The following SUCO variants were observed in gnomAD, a reference collection of about 807,000 sequenced individuals.
SUCO encodes the protein SUN domain containing ossification factor.
SUCO carries 57 observed loss-of-function variants against 148.1 expected under a neutral mutation model. That is an observed-to-expected ratio of 0.38 (90% CI 0.31 to 0.48). SUCO has a LOEUF of 0.48. Ranked by LOEUF, SUCO falls within the 20% of genes least tolerant of loss-of-function variation. The pLI, the probability that SUCO is intolerant of heterozygous loss-of-function variation, is 0.96. For synonymous variants in SUCO, 470 were observed against 502.7 expected, an observed-to-expected ratio of 0.93 and a Z score of 0.87; for missense variants, 1,331 against 1,468.2, an observed-to-expected ratio of 0.91 and a Z score of 1.53.
At chr1:172,600,753 G>A (rs537800706) in intron 20 of SUCO, among the ~76,000 whole-genome samples, 26 of 151,678 alleles carry the variant, frequency 1.7e-4, no homozygotes, top group African/African-American at 5.8e-4. Flanking sequence ...AGTAAGGGAT[G>A]CTGCTTTAGT....
At chr1:172,594,239 TG>T (rs1656905761) in intron 19 of SUCO, among the ~76,000 whole-genome samples, 1 of 143,610 alleles carries the variant, frequency 7.0e-6, no homozygotes, top group Non-Finnish European at 1.5e-5. Flanking sequence ...CTGAATTTAT[TG>T]ATTTTTTTTT....
At chr1:172,608,140 A>G (rs1443127633) in intron 22 of SUCO, 1 of 950,816 alleles carries the variant, frequency 1.1e-6, no homozygotes, top group Non-Finnish European at 1.3e-6. Flanking sequence ...TTTACTCACT[A>G]TGCCAGAAGT....
Position 172,561,377 on chromosome 1 carries a change from T to C in SUCO, c.732+3583T>C, listed in dbSNP as rs148503441. Among the ~76,000 whole-genome samples, 796 of 152,218 alleles carry C rather than the reference T, an allele frequency of 5.2e-3. 5 individuals are homozygous for C. The highest frequency in any genetic ancestry group is 0.018 in the African/African-American group (756 of 41,534). On this transcript the variant is annotated intron_variant, in intron 6 of 23. Transcript: ENST00000263688. ...AGTTAGGAGGTCTGTGGGGGATGTT[T>C]GTGAGATTTTTTGGATAAGTCAGAA...
chr1:172,609,492 T>G, intron 23 of SUCO: 1 of 911,084 alleles, frequency 1.1e-6, no homozygotes, highest in Non-Finnish European at 1.3e-6. Flanking sequence ...CTTTCAGGGT[T>G]AATAGCTGCC....
rs368347955 is a variant in SUCO at position 172,602,093 on chromosome 1, A to G, written c.3048A>G (p.Ile1016Met). ...EVSDRQSYLV[I>M]SLVLCVVLGL... ...CAGATCGACAAAGCTATCTTGTCATATCTTTGGTTCTTTGTGTTGTCTTGG... is the reference window on the plus strand; with the variant it reads ...CAGATCGACAAAGCTATCTTGTCATGTCTTTGGTTCTTTGTGTTGTCTTGG... Residue 1016 changes from isoleucine to methionine, a missense_variant, in exon 21 of 24, where the codon ATA becomes ATG. Transcript: ENST00000263688. 1.2e-6 allele frequency: 2 copies of G among 1,612,286 alleles called. No individual in the cohort carries two copies. Among genetic ancestry groups the G allele is most frequent in the Non-Finnish European group, 1.7e-6 (2 of 1,179,356 alleles).
chr1:172,581,607 G>A (rs1327737852), intron 15 of SUCO, among the ~76,000 whole-genome samples: 1 of 152,166 alleles, frequency 6.6e-6, no homozygotes, highest in Admixed American at 6.5e-5. Context: ...AACTTCAGTA[G>A]TTCTGATTCA....
At chr1:172,605,131 C>CT (rs1358880530) in intron 22 of SUCO, among the ~76,000 whole-genome samples, 1 of 151,708 alleles carries the variant, frequency 6.6e-6, no homozygotes, top group Non-Finnish European at 1.5e-5. Flanking sequence ...CTTTAGGTTG[C>CT]TTTTTCACTG....
At position 172,589,207 on chromosome 1, in the gene SUCO, A is replaced by AAGT. The variant is rs1401867382; in HGVS notation, c.2114_2116dup (p.Ser705dup). The AAGT allele has an allele frequency of 6.2e-7, 1 of 1,614,008 alleles. No homozygotes were observed. The highest frequency in any genetic ancestry group is 1.3e-5 in the African/African-American group (1 of 75,034). On this transcript the variant is annotated inframe_insertion, in exon 18 of 24. Coordinates refer to ENST00000263688, the MANE Select transcript of SUCO (RefSeq NM_014283.5). The stretch of plus-strand genomic sequence containing the variant: ...CTGAAACTGTTGTTCTGGGTGATTT[A>AAGT]AGTAGTAGTATGCACCAGGATGACT...
chr1:172,563,580 C>T (rs1207645597), intron 6 of SUCO, among the ~76,000 whole-genome samples: 2 of 152,206 alleles, frequency 1.3e-5, no homozygotes, highest in Non-Finnish European at 2.9e-5. Context: ...GGCCTGGCTA[C>T]TTCTAAAAGC....
intron 19 of SUCO, 52 bp downstream of exon 19, chr1:172,591,123 T>C (rs1656622651): frequency 7.3e-7 from 1 of 1,377,932 alleles, no homozygotes; most frequent in East Asian, 2.3e-5. Flanking sequence ...CACTGAATTC[T>C]GTAGGGTCTC....
intron 15 of SUCO, among the ~76,000 whole-genome samples, chr1:172,582,822 A>G (rs960785793): frequency 1.3e-5 from 2 of 152,158 alleles, no homozygotes; most frequent in African/African-American, 4.8e-5. Context: ...TTTTGTTACC[A>G]CGTTTCCTGA....
At chr1:172,567,891 A>C (rs957993161) in intron 6 of SUCO, among the ~76,000 whole-genome samples, 2 of 152,156 alleles carry the variant, frequency 1.3e-5, no homozygotes, top group African/African-American at 4.8e-5. Context: ...GCATGCCCCA[A>C]CCCCCAGGCC....
At chr1:172,538,065 GA>G (rs1381091870) in intron 1 of SUCO, among the ~76,000 whole-genome samples, 20 of 152,170 alleles carry the variant, frequency 1.3e-4, no homozygotes, top group South Asian at 1.0e-3. Flanking sequence ...TCATGCAGAT[GA>G]ATTCTAATTC....
chr1:172,603,428 C>G (rs938814613), intron 22 of SUCO, among the ~76,000 whole-genome samples: 2 of 151,774 alleles, frequency 1.3e-5, no homozygotes, highest in African/African-American at 2.4e-5. Flanking sequence ...TCTTAATAAT[C>G]GATGGTTGTA....
upstream of SUCO, chr1:172,532,937 C>G (rs1651696859): frequency 7.4e-7 from 1 of 1,356,868 alleles, no homozygotes; most frequent in Non-Finnish European, 9.7e-7. Flanking sequence ...CTCCTGCCTC[C>G]GGCTTCTCCG....
rs1467348022 is a variant in SUCO at position 172,533,469 on chromosome 1, T to A, written c.34T>A (p.Ser12Thr). The A allele has an allele frequency of 6.4e-7, 1 of 1,565,166 alleles. No homozygotes were observed. Among genetic ancestry groups the A allele is most frequent in the East Asian group, 2.4e-5 (1 of 42,282 alleles). The change falls in exon 1 of 24, where the codon TCC becomes ACC. Residue 12 changes from serine (S) to threonine (T), a missense_variant. Physicochemically the swap from Ser to Thr is moderately conservative, Grantham distance 58 (BLOSUM62 1). This residue lies in a region of SUCO where 992 missense variants were observed against 1,093.5 expected (regional missense o/e 0.91). Coordinates refer to ENST00000263688, the MANE Select transcript of SUCO (RefSeq NM_014283.5). ...GCACCGGCGGGCCTTGGCCCTGGTC[T>A]CCTGCCTCTTTCTGTGCTCTCTGGT... is the stretch of plus-strand genomic sequence containing the variant. ...KKHRRALALV[S>T]CLFLCSLVWL...
chr1:172,566,611 G>C (rs1334433845), intron 6 of SUCO, among the ~76,000 whole-genome samples: 1 of 152,232 alleles, frequency 6.6e-6, no homozygotes, highest in Non-Finnish European at 1.5e-5. Flanking sequence ...TACCCCACAG[G>C]CAGGGTGCCT....
chr1:172,554,917 A>G (rs1041655650), intron 3 of SUCO, among the ~76,000 whole-genome samples: 3 of 151,894 alleles, frequency 2.0e-5, no homozygotes, highest in South Asian at 2.1e-4. Flanking sequence ...TAATTCCCCA[A>G]ATGATCATAC....
chr1:172,609,703 T>C, intron 23 of SUCO, 113 bp from the exon 24 acceptor site: 1 of 1,477,732 alleles, frequency 6.8e-7, no homozygotes, highest in Non-Finnish European at 9.0e-7. Context: ...TTTATAATAC[T>C]GTTTTACTTT....
Sources: gnomAD v4.1 joint callset for allele counts (sites outside exome capture counted in the v4.1 genomes callset) on GRCh38, gnomAD v4.1.1 for gene constraint, gnomAD v4.1.1 regional missense constraint, MANE v1.5 for transcripts, NCBI Gene and HGNC (gene_info 2026-07-23, HGNC 2026-07-21) for gene names.